Variants in PSMD1 observed in about 807,000 individuals in gnomAD.
PSMD1 encodes proteasome 26S subunit, non-ATPase 1, also known as 26S proteasome non-ATPase regulatory subunit 1.
PSMD1 carries 18 observed loss-of-function variants against 119.0 expected under a neutral mutation model. That is an observed-to-expected ratio of 0.15 (90% CI 0.10 to 0.22). The LOEUF is 0.22. Ranked by LOEUF, PSMD1 falls within the 10% of genes least tolerant of loss-of-function variation. The pLI is 1.00. For synonymous variants in PSMD1, 374 were observed against 396.6 expected (o/e 0.94, Z 0.68); for missense variants, 702 against 1,158.5 (o/e 0.61, Z 5.72).
intron 7 of PSMD1, among the ~76,000 whole-genome samples, chr2:231,073,586 T>C (rs1694090167): frequency 1.3e-5 from 2 of 152,162 alleles, no homozygotes. Context: ...TTGGGGCACA[T>C]TGAAATCCCG....
intron 16 of PSMD1, among the ~76,000 whole-genome samples, chr2:231,121,478 T>C (rs1030785184): frequency 2.6e-5 from 4 of 152,218 alleles, no homozygotes; most frequent in Non-Finnish European, 5.9e-5. Context: ...TTCACATATT[T>C]TATGTTAACA....
intron 2 of PSMD1, 104 bp from the exon 3 acceptor site, chr2:231,062,144 G>A (rs1693775854): frequency 4.2e-6 from 3 of 708,866 alleles, no homozygotes; most frequent in Non-Finnish European, 7.2e-6. Flanking sequence ...AAAAGTTTGA[G>A]TAAATATTAC....
intron 16 of PSMD1, among the ~76,000 whole-genome samples, chr2:231,128,564 G>A (rs1488086566): frequency 6.6e-6 from 1 of 152,158 alleles, no homozygotes; most frequent in East Asian, 1.9e-4. Flanking sequence ...TTCCTTCACT[G>A]TCTTCTCAAA....
At chr2:231,099,847 C>T (rs1331685745) in intron 16 of PSMD1, among the ~76,000 whole-genome samples, 2 of 152,144 alleles carry the variant, frequency 1.3e-5, no homozygotes, top group African/African-American at 2.4e-5. Flanking sequence ...TTCACTGCCC[C>T]CCTCCCCCTT....
intron 18 of PSMD1, 108 bp from the exon 19 acceptor site, chr2:231,153,456 C>T (rs933759513): frequency 9.7e-6 from 8 of 823,162 alleles, no homozygotes; most frequent in South Asian, 1.5e-5. Flanking sequence ...TTGAGCATTA[C>T]GAAACTCAGA....
intron 19 of PSMD1, among the ~76,000 whole-genome samples, chr2:231,155,938 A>G (rs1696474610): frequency 6.6e-6 from 1 of 152,114 alleles, no homozygotes; most frequent in Non-Finnish European, 1.5e-5. Flanking sequence ...CTACATATGT[A>G]GGTTTCCATA....
Position 231,170,775 on chromosome 2 carries a change from T to A in PSMD1, c.*9+54T>A, listed in dbSNP as rs1375715914. The A allele has an allele frequency of 6.7e-7, 1 of 1,489,070 alleles. No individual in the cohort carries two copies. The highest frequency in any genetic ancestry group is 9.0e-7 in the Non-Finnish European group (1 of 1,111,384). 92.2% of individuals were successfully genotyped at this position (1,489,070 alleles called of 1,614,324 possible). On this transcript the variant is annotated intron_variant, in intron 24 of 24. Coordinates refer to ENST00000308696, the MANE Select transcript of PSMD1 (RefSeq NM_002807.4). This position sits in a 1 kb window ranked among gnomAD's most constrained non-coding sequence, Gnocchi z 4.1. ...AACTTCTTTGTCAATACTTCACAAA[T>A]GTTTTTTGCAAGGACATCATCTCAC...
chr2:231,164,360 G>C lies in PSMD1; in HGVS notation c.2481+633G>C, dbSNP rs535402319. Among the ~76,000 whole-genome samples the C allele has an allele frequency of 6.6e-5, 10 of 152,222 alleles. 1 individual carries two copies. The South Asian group carries it at 2.1e-3, about 32-fold the overall frequency. On this transcript the variant is annotated intron_variant, in intron 21 of 24. Coordinates refer to ENST00000308696, the MANE Select transcript of PSMD1 (RefSeq NM_002807.4). The stretch of plus-strand genomic sequence containing the variant: ...TAATCACTTTATACTCCTACCAACT[G>C]TGTATGAGGACACTCCTGTATTAAA...
intron 4 of PSMD1, among the ~76,000 whole-genome samples, chr2:231,066,289 C>G (rs1693909945): frequency 6.6e-6 from 1 of 152,134 alleles, no homozygotes; most frequent in Non-Finnish European, 1.5e-5. Flanking sequence ...AAGTCATTTC[C>G]CCATTACCCT....
At chr2:231,085,421 T>G (rs2125175548) in intron 15 of PSMD1, among the ~76,000 whole-genome samples, 1 of 152,348 alleles carries the variant, frequency 6.6e-6, no homozygotes, top group South Asian at 2.1e-4. Flanking sequence ...TGAGTATGTG[T>G]GGCCACCCTA....
At chr2:231,147,145 A>G (rs1012218070) in intron 18 of PSMD1, among the ~76,000 whole-genome samples, 2 of 152,026 alleles carry the variant, frequency 1.3e-5, no homozygotes, top group Non-Finnish European at 2.9e-5. Flanking sequence ...ATCCTCCACA[A>G]TCCACACCCA....
chr2:231,086,212 T>G (rs931878014), intron 15 of PSMD1, among the ~76,000 whole-genome samples: 2 of 152,132 alleles, frequency 1.3e-5, no homozygotes, highest in Non-Finnish European at 2.9e-5. Context: ...CCTGCCTAAT[T>G]TTTTAACTTT....
At chr2:231,081,293 T>C (rs1694304402) in intron 12 of PSMD1, among the ~76,000 whole-genome samples, 1 of 152,056 alleles carries the variant, frequency 6.6e-6, no homozygotes, top group South Asian at 2.1e-4. Flanking sequence ...AGATAGGGTT[T>C]ATGGTTACAA....
chr2:231,154,292 G>A (rs1017978753), intron 19 of PSMD1, among the ~76,000 whole-genome samples: 2 of 151,922 alleles, frequency 1.3e-5, no homozygotes, highest in Non-Finnish European at 1.5e-5. Context: ...AAATTAGCCA[G>A]GAGTGGTGGC....
chr2:231,140,649 G>A (rs528592665), intron 17 of PSMD1, among the ~76,000 whole-genome samples: 9 of 152,054 alleles, frequency 5.9e-5, no homozygotes, highest in South Asian at 4.1e-4. Context: ...AGGCCCAGGC[G>A]GTTGGATAAC....
rs1052824447 is a variant in PSMD1 at position 231,170,541 on chromosome 2, C to T, written c.2716-25C>T. 1 of 1,595,910 alleles carries T rather than the reference C, an allele frequency of 6.3e-7. No individual in the cohort carries two copies. The highest frequency in any genetic ancestry group is 8.5e-7 in the Non-Finnish European group (1 of 1,172,482). ...AGCACGCTTGAAATATGAGTGTACG[C>T]TTCTGCACGCCCCTGTGTTTCCAGC... On this transcript the variant is annotated intron_variant, in intron 23 of 24. Transcript: ENST00000308696. The surrounding 1 kb of genome is among the most constrained non-coding windows in gnomAD (Gnocchi z 4.1).
chr2:231,096,840 G>A (rs1694740663), intron 16 of PSMD1, among the ~76,000 whole-genome samples: 1 of 152,196 alleles, frequency 6.6e-6, no homozygotes, highest in Non-Finnish European at 1.5e-5. Context: ...AGAATGACGG[G>A]GTGAGCGCTT....
At chr2:231,089,865 G>A (rs950374847) in intron 16 of PSMD1, among the ~76,000 whole-genome samples, 1 of 152,090 alleles carries the variant, frequency 6.6e-6, no homozygotes, top group Non-Finnish European at 1.5e-5. Flanking sequence ...CAGATTAAGG[G>A]TGGATCTGCC....
intron 16 of PSMD1, among the ~76,000 whole-genome samples, chr2:231,103,661 A>T (rs547030964): frequency 6.6e-6 from 1 of 152,098 alleles, no homozygotes; most frequent in Non-Finnish European, 1.5e-5. Context: ...ATTTGGTTTC[A>T]TAATTACATA....
Sources: gnomAD v4.1 joint callset for allele counts (sites outside exome capture counted in the v4.1 genomes callset) on GRCh38, gnomAD v4.1.1 for gene constraint, Gnocchi (gnomAD v3.1) non-coding constraint, MANE v1.5 for transcripts, NCBI Gene and HGNC (gene_info 2026-07-23, HGNC 2026-07-21) for gene names.